The following CDH18 variants were observed in gnomAD, a reference collection of about 807,000 sequenced individuals.
The protein encoded by CDH18 is cadherin 18, also known as cadherin-18.
A neutral mutation model predicts 67.9 loss-of-function variants in CDH18; 31 were observed. The ratio of observed to expected loss-of-function variants is 0.46; its 90% CI spans 0.34 to 0.62. The LOEUF is 0.62. CDH18 is among the 20% of genes least tolerant of loss of function. The probability of loss-of-function intolerance (pLI) is 0.01; values close to 1 mark genes in which losing one functional copy is unlikely to be tolerated. For synonymous variants in CDH18, 362 were observed against 347.2 expected (o/e 1.04, Z -0.48); for missense variants, 890 against 975.5 (o/e 0.91, Z 1.17).
intron 3 of CDH18, among the ~76,000 whole-genome samples, chr5:19,772,419 G>A (rs1383909711): frequency 6.6e-6 from 1 of 152,118 alleles, no homozygotes; most frequent in African/African-American, 2.4e-5. Flanking sequence ...GTCAGTGAGA[G>A]AGAGAGAAAG....
chr5:19,971,932 G>A (rs1234566325), intron 2 of CDH18, among the ~76,000 whole-genome samples: 2 of 151,618 alleles, frequency 1.3e-5, no homozygotes, highest in African/African-American at 2.4e-5. Flanking sequence ...CTTCACCATC[G>A]GAGTCTCCAT....
intron 2 of CDH18, among the ~76,000 whole-genome samples, chr5:20,208,807 T>C (rs1404980428): frequency 2.0e-5 from 3 of 152,024 alleles, no homozygotes; most frequent in East Asian, 3.9e-4. Context: ...GGAAAAAATA[T>C]ACGCAAACTA....
At chr5:20,479,326 G>C (rs1039226454) in intron 1 of CDH18, among the ~76,000 whole-genome samples, 1 of 152,128 alleles carries the variant, frequency 6.6e-6, no homozygotes, top group African/African-American at 2.4e-5. Flanking sequence ...ATTTCTGACA[G>C]GGGATTCAAA....
At chr5:20,249,046 CAAAG>C (rs1398221319) in intron 2 of CDH18, among the ~76,000 whole-genome samples, 1 of 151,920 alleles carries the variant, frequency 6.6e-6, no homozygotes, top group African/African-American at 2.4e-5. Flanking sequence ...GAAATAAACA[CAAAG>C]AAAAACAAAG....
chr5:19,571,148 A>G (rs1741311052), intron 8 of CDH18, among the ~76,000 whole-genome samples: 1 of 152,204 alleles, frequency 6.6e-6, no homozygotes, highest in African/African-American at 2.4e-5. Flanking sequence ...TTTTACATAT[A>G]AAGAGAAAGC....
At chr5:19,599,642 C>T (rs928832157) in intron 6 of CDH18, among the ~76,000 whole-genome samples, 1 of 152,226 alleles carries the variant, frequency 6.6e-6, no homozygotes, top group East Asian at 1.9e-4. Flanking sequence ...GTGGCTCACG[C>T]CTATAATCCC....
intron 2 of CDH18, among the ~76,000 whole-genome samples, chr5:19,841,570 T>G (rs934710502): frequency 8.4e-6 from 1 of 119,010 alleles, no homozygotes; most frequent in Non-Finnish European, 1.9e-5. Context: ...ATCATGAATT[T>G]CAAAAAAAAA....
chr5:19,499,928 C>T (rs888044514), intron 11 of CDH18, among the ~76,000 whole-genome samples: 2 of 152,120 alleles, frequency 1.3e-5, no homozygotes, highest in Non-Finnish European at 2.9e-5. Context: ...TGTCTGATTT[C>T]TGTTGTTTCT....
intron 2 of CDH18, among the ~76,000 whole-genome samples, chr5:20,178,189 C>T (rs989170380): frequency 1.3e-5 from 2 of 152,070 alleles, no homozygotes; most frequent in African/African-American, 2.4e-5. Flanking sequence ...GGGTGCTTCT[C>T]GGAGCTCAAG....
intron 9 of CDH18, among the ~76,000 whole-genome samples, chr5:19,542,235 C>T (rs978348083): frequency 9.9e-5 from 15 of 152,116 alleles, no homozygotes; most frequent in African/African-American, 3.6e-4. Flanking sequence ...GCAATACCAC[C>T]TCACACCCAC....
chr5:20,098,292 T>C (rs182555968), intron 2 of CDH18, among the ~76,000 whole-genome samples: 1 of 152,060 alleles, frequency 6.6e-6, no homozygotes, highest in Non-Finnish European at 1.5e-5. Context: ...TATTTAAATT[T>C]TAAAATGTTT....
intron 2 of CDH18, among the ~76,000 whole-genome samples, chr5:19,920,078 A>G (rs1023165840): frequency 5.3e-5 from 8 of 152,306 alleles, no homozygotes; most frequent in Admixed American, 5.2e-4. Context: ...AAGTAATAGC[A>G]GACACAACAT....
At chr5:20,320,099 A>G (rs1473288824) in intron 1 of CDH18, among the ~76,000 whole-genome samples, 1 of 152,110 alleles carries the variant, frequency 6.6e-6, no homozygotes. Context: ...TTGTGTTGCC[A>G]TTGTAATTCC....
Position 19,915,733 on chromosome 5 carries a change from C to T in CDH18, c.-257+65327G>A, listed in dbSNP as rs554909323. Among the ~76,000 whole-genome samples the T allele has an allele frequency of 1.1e-3, 159 of 151,280 alleles. 1 individual carries two copies. Among genetic ancestry groups the T allele is most frequent in the African/African-American group, 3.7e-3 (151 of 41,312 alleles). On this transcript the variant is annotated intron_variant, in intron 2 of 12. Transcript: ENST00000382275. ...ATTATCTGTCTGAAATGGCAGGCAA[C>T]ATAGATAGATGGATAGGTGTTTTTT... is the stretch of plus-strand genomic sequence containing the variant.
intron 2 of CDH18, among the ~76,000 whole-genome samples, chr5:19,956,778 A>G (rs1187514183): frequency 6.6e-6 from 1 of 151,806 alleles, no homozygotes; most frequent in Non-Finnish European, 1.5e-5. Context: ...ATATGTTTTT[A>G]ATTTATCTTT....
intron 1 of CDH18, among the ~76,000 whole-genome samples, chr5:20,481,001 G>A (rs1376364526): frequency 6.6e-6 from 1 of 151,952 alleles, no homozygotes; most frequent in Non-Finnish European, 1.5e-5. Flanking sequence ...CTTAATAATA[G>A]CATTGGATGT....
chr5:19,966,579 C>T (rs1797459740), intron 2 of CDH18, among the ~76,000 whole-genome samples: 1 of 151,798 alleles, frequency 6.6e-6, no homozygotes, highest in Non-Finnish European at 1.5e-5. Flanking sequence ...AGCAAAATTG[C>T]TAAATCATTA....
intron 2 of CDH18, among the ~76,000 whole-genome samples, chr5:20,073,529 A>T (rs1311759996): frequency 6.6e-6 from 1 of 152,036 alleles, no homozygotes; most frequent in Non-Finnish European, 1.5e-5. Context: ...TGGGATGTTT[A>T]CTTAATATTC....
chr5:20,537,333 C>A (rs543397826), intron 1 of CDH18, among the ~76,000 whole-genome samples: 1 of 152,048 alleles, frequency 6.6e-6, no homozygotes, highest in Admixed American at 6.6e-5. Flanking sequence ...GATCATCACA[C>A]AGAGGTACAT....
Sources: gnomAD v4.1 joint callset for allele counts (sites outside exome capture counted in the v4.1 genomes callset) on GRCh38, gnomAD v4.1.1 for gene constraint, MANE v1.5 for transcripts, NCBI Gene and HGNC (gene_info 2026-07-23, HGNC 2026-07-21) for gene names.